Variants in KDM2B observed in about 807,000 individuals in gnomAD.
KDM2B encodes lysine demethylase 2B, also known as lysine-specific demethylase 2B.
A neutral mutation model predicts 150.0 loss-of-function variants in KDM2B; 26 were observed. The ratio of observed to expected loss-of-function variants is 0.17; its 90% CI spans 0.13 to 0.24. The LOEUF (loss-of-function observed/expected upper bound fraction) is 0.24, where lower values mean the gene tolerates loss of function less well. KDM2B is among the 10% of genes least tolerant of loss of function. KDM2B has a pLI of 1.00. For synonymous variants in KDM2B, 734 were observed against 729.5 expected, an observed-to-expected ratio of 1.01 and a Z score of -0.10; for missense variants, 1,265 against 1,816.9, an observed-to-expected ratio of 0.70 and a Z score of 5.52.
intron 11 of KDM2B, among the ~76,000 whole-genome samples, chr12:121,500,682 C>T (rs1198550387): frequency 6.6e-6 from 1 of 152,190 alleles, no homozygotes; most frequent in Non-Finnish European, 1.5e-5. Context: ...CCGGGGTGCC[C>T]CCTTCTATGG....
intron 8 of KDM2B, among the ~76,000 whole-genome samples, chr12:121,531,446 C>T (rs1887651312): frequency 6.6e-6 from 1 of 152,210 alleles, no homozygotes; most frequent in Admixed American, 6.5e-5. Context: ...CTCTCAGAAA[C>T]ATCTTGGTGG....
chr12:121,564,455 C>G (rs1278007008), intron 4 of KDM2B, among the ~76,000 whole-genome samples: 3 of 151,756 alleles, frequency 2.0e-5, no homozygotes, highest in Non-Finnish European at 4.4e-5. Flanking sequence ...GAGAATCCGT[C>G]TCAACAAAAA....
At chr12:121,420,244 A>G in the KDM2B span, 7 of 1,608,784 alleles carry the variant, frequency 4.4e-6, no homozygotes, top group Non-Finnish European at 6.0e-6. Flanking sequence ...AAGTGTAGGT[A>G]CAAAGTGAAA....
At chr12:121,535,945 G>A (rs1323489510) in intron 6 of KDM2B, 4 of 579,444 alleles carry the variant, frequency 6.9e-6, no homozygotes, top group African/African-American at 4.1e-5. Flanking sequence ...TGGCACGGAT[G>A]GGCAGCCTCC....
In KDM2B at chr12:121,442,654, C is replaced by T; in HGVS notation, c.2787G>A (p.Glu929=). The change falls in exon 19 of 23, where the codon GAG becomes GAA. Residue 929 remains glutamate, a synonymous_variant. Transcript: ENST00000377071. This position sits in a 1 kb window ranked among gnomAD's most constrained non-coding sequence, Gnocchi z 7.7. ...TCCGGCGCATCTTCACCTTCTTCTTCTCCTCCGGGCCCTCGGCCCCTTCGG... is the reference window on the plus strand; with the variant it reads ...TCCGGCGCATCTTCACCTTCTTCTTTTCCTCCGGGCCCTCGGCCCCTTCGG... ...PSTEGAEGPE[E]KKKVKMRRKR... 6.2e-7 allele frequency: 1 copy of T among 1,605,480 alleles called. No homozygotes were observed.
At position 121,494,563 on chromosome 12, in the gene KDM2B, G is replaced by C; in HGVS notation, c.1734+16C>G. The stretch of plus-strand genomic sequence containing the variant: ...GGTGGGAAGCGGCCGCCCGCTGCAG[G>C]CAGGCTGCGTCTTACCTTTGGAGTC... On this transcript the variant is annotated intron_variant, in intron 12 of 22. Transcript: ENST00000377071. 4.4e-6 allele frequency: 7 copies of C among 1,606,356 alleles called. No homozygotes were observed. The highest frequency in any genetic ancestry group is 6.0e-6 in the Non-Finnish European group (7 of 1,174,800).
chr12:121,458,745 G>A (rs537709780), intron 12 of KDM2B, among the ~76,000 whole-genome samples: 4 of 152,216 alleles, frequency 2.6e-5, no homozygotes, highest in African/African-American at 9.6e-5. Flanking sequence ...AGGTTACAGT[G>A]AGCCAAGATC....
chr12:121,525,213 A>T (rs1489200329), intron 8 of KDM2B, among the ~76,000 whole-genome samples: 1 of 152,060 alleles, frequency 6.6e-6, no homozygotes, highest in Non-Finnish European at 1.5e-5. Flanking sequence ...GGGGCCAATT[A>T]CTTCACGCCA....
intron 12 of KDM2B, among the ~76,000 whole-genome samples, chr12:121,471,735 A>T (rs1555295943): frequency 6.6e-6 from 1 of 152,200 alleles, no homozygotes; most frequent in Non-Finnish European, 1.5e-5. Flanking sequence ...GCTTGGGAAC[A>T]TCATTTTCCA....
chr12:121,529,557 A>G (rs1396766739), intron 8 of KDM2B, among the ~76,000 whole-genome samples: 1 of 152,150 alleles, frequency 6.6e-6, no homozygotes. Flanking sequence ...AAGTACCACG[A>G]ATCTCAGATG....
intron 4 of KDM2B, among the ~76,000 whole-genome samples, chr12:121,553,863 C>T (rs1160897259): frequency 6.6e-6 from 1 of 152,076 alleles, no homozygotes; most frequent in Non-Finnish European, 1.5e-5. Flanking sequence ...AATGGACTTT[C>T]ATAATGGTTG....
At chr12:121,493,142 A>T (rs78628688) in intron 12 of KDM2B, among the ~76,000 whole-genome samples, 1 of 137,998 alleles carries the variant, frequency 7.2e-6, no homozygotes, top group Non-Finnish European at 1.5e-5. Context: ...TCCTGGGCTC[A>T]GGTGATCCTC....
chr12:121,562,099 G>A (rs565213211), intron 4 of KDM2B, among the ~76,000 whole-genome samples: 28 of 151,070 alleles, frequency 1.9e-4, no homozygotes, highest in African/African-American at 6.3e-4. Context: ...GAACCTGGGC[G>A]GCAGAGGTTG....
At chr12:121,536,754 T>C (rs1291954441) in intron 6 of KDM2B, among the ~76,000 whole-genome samples, 44 of 151,932 alleles carry the variant, frequency 2.9e-4, no homozygotes, top group East Asian at 1.9e-4. Flanking sequence ...TCTAAGTATG[T>C]GCGGGGCGGA....
chr12:121,475,405 C>T (rs1881255583), intron 12 of KDM2B, among the ~76,000 whole-genome samples: 1 of 151,704 alleles, frequency 6.6e-6, no homozygotes, highest in African/African-American at 2.4e-5. Context: ...GCCTGGGCAA[C>T]ACACTGAGAC....
rs1445976265 is a variant in KDM2B, at chr12:121,452,474, G to A, written c.1959+646C>T. On this transcript the variant is annotated intron_variant, in intron 13 of 22. Coordinates refer to ENST00000377071, the MANE Select transcript of KDM2B (RefSeq NM_032590.5). This position sits in a 1 kb window ranked among gnomAD's most constrained non-coding sequence, Gnocchi z 4.4. Reference sequence around the variant, plus strand: ...CCAGCCGAGCCTGCTTTTCCACGGGGACTGGGAGATGACTCCTCCACAGGG... The same window carrying A: ...CCAGCCGAGCCTGCTTTTCCACGGGAACTGGGAGATGACTCCTCCACAGGG... Among the ~76,000 whole-genome samples the A allele has an allele frequency of 1.3e-5, 2 of 152,244 alleles. No individual in the cohort carries two copies. Among genetic ancestry groups the A allele is most frequent in the Non-Finnish European group, 2.9e-5 (2 of 68,042 alleles).
intron 6 of KDM2B, among the ~76,000 whole-genome samples, chr12:121,547,314 A>G (rs1311062034): frequency 2.0e-5 from 3 of 152,186 alleles, no homozygotes; most frequent in African/African-American, 7.2e-5. Context: ...GATCCAAGGC[A>G]TGGATGGAGC....
chr12:121,567,853 G>T (rs149533524), intron 4 of KDM2B, among the ~76,000 whole-genome samples: 106 of 151,670 alleles, frequency 7.0e-4, no homozygotes, highest in Admixed American at 1.4e-3. Context: ...CTCAGCCTCA[G>T]GAGTAGCTGG....
In KDM2B at chr12:121,453,798, G is replaced by A. The variant is rs555990010; in HGVS notation, c.1735-454C>T. 1.3e-3 allele frequency among the ~76,000 whole-genome samples: 199 copies of A among 152,226 alleles called. 1 individual carries two copies. The highest frequency in any genetic ancestry group is 1.9e-4 in the Non-Finnish European group (13 of 68,010). On this transcript the variant is annotated intron_variant, in intron 12 of 22. Transcript: ENST00000377071. The surrounding 1 kb of genome is among the most constrained non-coding windows in gnomAD (Gnocchi z 6.4). ...CTTCAGACTCCTGGCCTCCAGAACC[G>A]GGAGAGAAGAAAGGCCGGTTGTTTT... is the stretch of plus-strand genomic sequence containing the variant.
Sources: gnomAD v4.1 joint callset for allele counts (sites outside exome capture counted in the v4.1 genomes callset) on GRCh38, gnomAD v4.1.1 for gene constraint, Gnocchi (gnomAD v3.1) non-coding constraint, MANE v1.5 for transcripts, NCBI Gene and HGNC (gene_info 2026-07-23, HGNC 2026-07-21) for gene names.